Variants in RASAL2 observed in about 807,000 individuals in gnomAD.
The protein encoded by RASAL2 is ras GTPase-activating protein nGAP.
RASAL2 carries 58 observed loss-of-function variants against 128.9 expected under a neutral mutation model. The observed-to-expected ratio is 0.45, with a 90% CI of 0.36 to 0.56. The LOEUF (loss-of-function observed/expected upper bound fraction) is 0.56. RASAL2 is among the 20% of genes least tolerant of loss of function. The pLI is 0.00. For missense variants in RASAL2, 1,360 were observed against 1,601.6 expected (o/e 0.85, Z 2.57); for synonymous variants, 561 against 580.8 (o/e 0.97, Z 0.49).
intron 3 of RASAL2, among the ~76,000 whole-genome samples, chr1:178,373,618 C>T (rs1671841052): frequency 6.6e-6 from 1 of 152,020 alleles, no homozygotes; most frequent in African/African-American, 2.4e-5. Flanking sequence ...ATTTTCTGTG[C>T]TCTGGCATAC....
intron 1 of RASAL2, among the ~76,000 whole-genome samples, chr1:178,233,762 G>A (rs145603195): frequency 6.6e-6 from 1 of 152,264 alleles, no homozygotes; most frequent in Non-Finnish European, 1.5e-5. Flanking sequence ...CTTCACTTGG[G>A]TCAGTGGAGT....
At chr1:178,120,565 A>G (rs1167245168) in intron 1 of RASAL2, among the ~76,000 whole-genome samples, 1 of 152,164 alleles carries the variant, frequency 6.6e-6, no homozygotes, top group Non-Finnish European at 1.5e-5. Context: ...ACATCAACTC[A>G]CTGTCACTAT....
rs1659725015 is a variant in RASAL2 at position 178,121,701 on chromosome 1, G to A, written c.202+27007G>A. 2.6e-5 allele frequency among the ~76,000 whole-genome samples: 4 copies of A among 152,022 alleles called. No homozygotes were observed. The South Asian group carries it at 6.2e-4, about 24-fold the overall frequency. On this transcript the variant is annotated intron_variant, in intron 1 of 17. Transcript: ENST00000367649. ...GGGTTTTGCCGTGTTAGCCAGGCTG[G>A]TCTTGAATTTCCTGACCTCAGGTGA...
intron 1 of RASAL2, among the ~76,000 whole-genome samples, chr1:178,273,638 A>C (rs941988457): frequency 6.6e-6 from 1 of 152,216 alleles, no homozygotes; most frequent in African/African-American, 2.4e-5. Flanking sequence ...ATGGGTTTGA[A>C]CTAAATTTTC....
chr1:178,095,610 C>T (rs1362506204), intron 1 of RASAL2, among the ~76,000 whole-genome samples: 2 of 152,188 alleles, frequency 1.3e-5, no homozygotes, highest in Non-Finnish European at 2.9e-5. Context: ...ATCCTGCAGT[C>T]TTGTGCATCT....
intron 3 of RASAL2, among the ~76,000 whole-genome samples, chr1:178,315,709 G>T (rs1668477673): frequency 6.8e-6 from 1 of 146,706 alleles, no homozygotes; most frequent in African/African-American, 2.7e-5. Context: ...CAGATGAGTA[G>T]GTTGCGAAAA....
chr1:178,172,524 A>T (rs1468449689), intron 1 of RASAL2, among the ~76,000 whole-genome samples: 1 of 152,072 alleles, frequency 6.6e-6, no homozygotes, highest in African/African-American at 2.4e-5. Context: ...TTGTTGTAGC[A>T]AATATTTTGT....
chr1:178,185,633 T>A (rs1405003913), intron 1 of RASAL2, among the ~76,000 whole-genome samples: 1 of 152,044 alleles, frequency 6.6e-6, no homozygotes, highest in Admixed American at 6.6e-5. Context: ...CTTTTTGGTC[T>A]TCAGTTGATA....
At chr1:178,217,893 T>C (rs1269721312) in intron 1 of RASAL2, among the ~76,000 whole-genome samples, 1 of 151,874 alleles carries the variant, frequency 6.6e-6, no homozygotes, top group Admixed American at 6.7e-5. Flanking sequence ...TACTGTTTGA[T>C]AGCATTGTAC....
intron 5 of RASAL2, among the ~76,000 whole-genome samples, chr1:178,436,314 T>C (rs1042695222): frequency 6.6e-6 from 1 of 152,060 alleles, no homozygotes; most frequent in African/African-American, 2.4e-5. Context: ...CACACACACA[T>C]AAAAATGCCA....
chr1:178,384,838 G>A (rs941731367), intron 3 of RASAL2, among the ~76,000 whole-genome samples: 1 of 151,576 alleles, frequency 6.6e-6, no homozygotes, highest in Non-Finnish European at 1.5e-5. Context: ...TGTTTTTTAC[G>A]CTATGGTAAC....
intron 1 of RASAL2, among the ~76,000 whole-genome samples, chr1:178,217,650 C>A (rs188196923): frequency 5.3e-5 from 8 of 152,240 alleles, no homozygotes; most frequent in African/African-American, 1.9e-4. Context: ...AAATCACATA[C>A]CTGAATTTAA....
rs1255947442 is a variant in RASAL2 at position 178,464,415 on chromosome 1, AG to A, written c.3387+4del. On this transcript the variant is annotated splice_donor_region_variant and intron_variant, in intron 15 of 17. Transcript: ENST00000367649. Reference sequence around the variant, plus strand: ...ATGAAGCCAAGCATGCTGAGAAGGTAGAACCTAGTCTGCTTCATCAACTTTC... The same window carrying A: ...ATGAAGCCAAGCATGCTGAGAAGGTAAACCTAGTCTGCTTCATCAACTTTC... 1 of 1,613,282 alleles carries A rather than the reference AG, an allele frequency of 6.2e-7. No homozygotes were observed.
chr1:178,434,879 G>A (rs1365261055), intron 5 of RASAL2, among the ~76,000 whole-genome samples: 1 of 151,770 alleles, frequency 6.6e-6, no homozygotes, highest in East Asian at 1.9e-4. Context: ...TAAAATCCAG[G>A]GAGCAAGTAA....
At chr1:178,205,297 G>T (rs951108644) in intron 1 of RASAL2, among the ~76,000 whole-genome samples, 1 of 152,052 alleles carries the variant, frequency 6.6e-6, no homozygotes, top group Non-Finnish European at 1.5e-5. Flanking sequence ...GAGGCACTGT[G>T]CCCAGCCCAG....
At chr1:178,249,271 C>A (rs571007401) in intron 1 of RASAL2, among the ~76,000 whole-genome samples, 3 of 151,744 alleles carry the variant, frequency 2.0e-5, no homozygotes, top group Non-Finnish European at 4.4e-5. Flanking sequence ...CTTGTCTTCA[C>A]GTGTTATTTC....
At chr1:178,470,021 G>T (rs1318909856) in intron 17 of RASAL2, among the ~76,000 whole-genome samples, 3 of 152,168 alleles carry the variant, frequency 2.0e-5, no homozygotes. Flanking sequence ...AATTCCAGCT[G>T]TTGGCTTACT....
rs563059636 is a variant in RASAL2 at position 178,413,324 on chromosome 1, G to A, written c.565-7187G>A. Among the ~76,000 whole-genome samples the A allele has an allele frequency of 1.6e-4, 24 of 152,294 alleles. No individual in the cohort carries two copies. In the East Asian group the frequency reaches 4.6e-3, roughly 29 times the overall value. On this transcript the variant is annotated intron_variant, in intron 4 of 17. Transcript: ENST00000367649. Reference sequence around the variant, plus strand: ...CTAATCAGAGCCTAACTGATCAGAAGGAAGGGAAATACCCAATTCCAGCAC... The same window carrying A: ...CTAATCAGAGCCTAACTGATCAGAAAGAAGGGAAATACCCAATTCCAGCAC...
intron 1 of RASAL2, among the ~76,000 whole-genome samples, chr1:178,120,766 T>C (rs1659688543): frequency 6.6e-6 from 1 of 152,236 alleles, no homozygotes; most frequent in African/African-American, 2.4e-5. Flanking sequence ...CATCAGGCAT[T>C]AGATTCTCAT....
Sources: allele counts gnomAD v4.1 joint callset (sites outside exome capture counted in the v4.1 genomes callset), GRCh38; gene constraint gnomAD v4.1.1; transcripts MANE v1.5; gene names NCBI Gene and HGNC (gene_info 2026-07-23, HGNC 2026-07-21).